The following CEMIP2 variants were observed in gnomAD, a reference collection of about 807,000 sequenced individuals.
CEMIP2 encodes cell surface hyaluronidase CEMIP2.
CEMIP2 carries 79 observed loss-of-function variants against 146.9 expected under a neutral mutation model. The observed-to-expected ratio is 0.54, with a 90% confidence interval of 0.45 to 0.65. CEMIP2 has a LOEUF of 0.65. Among genes scored for constraint, CEMIP2 ranks in the 30% least tolerant of loss-of-function variants. The pLI, the probability that CEMIP2 is intolerant of heterozygous loss-of-function variation, is 0.00. For missense variants in CEMIP2, 1,596 were observed against 1,696.2 expected, an observed-to-expected ratio of 0.94 and a Z score of 1.04; for synonymous variants, 601 against 606.3, an observed-to-expected ratio of 0.99 and a Z score of 0.13.
rs946828125 is a variant in CEMIP2, at chr9:71,736,468, A to G, written c.1205-1474T>C. Among the ~76,000 whole-genome samples the G allele has an allele frequency of 2.6e-5, 4 of 152,334 alleles. No homozygotes were observed. In the East Asian group the frequency reaches 5.8e-4, roughly 22 times the overall value. On this transcript the variant is annotated intron_variant, in intron 5 of 23. Transcript: ENST00000377044. ...ATGAGTATGACCAGTATGATCTGCA[A>G]TGTAACCTGAGGTCACATGATGGTG...
chr9:71,704,420 A>G (rs1362305959), intron 18 of CEMIP2, 175 bp downstream of exon 18: 5 of 650,944 alleles, frequency 7.7e-6, no homozygotes, highest in Non-Finnish European at 1.3e-5. Context: ...GACAGGATTC[A>G]ATTTGTATAA....
chr9:71,731,782 C>T (rs1390094107), intron 7 of CEMIP2, among the ~76,000 whole-genome samples: 5 of 151,524 alleles, frequency 3.3e-5, no homozygotes, highest in Non-Finnish European at 7.4e-5. Context: ...ACAACCACAG[C>T]CTACTCAATG....
intron 5 of CEMIP2, 150 bp from the exon 6 acceptor site, chr9:71,735,144 C>G: frequency 1.2e-6 from 1 of 869,374 alleles, no homozygotes; most frequent in Non-Finnish European, 1.7e-6. Context: ...GTATTAGTCA[C>G]TCTACAGATA....
Position 71,704,605 on chromosome 9 carries a change from T to C in CEMIP2, c.3184A>G (p.Asn1062Asp). 1 of 1,614,186 alleles carries C rather than the reference T, an allele frequency of 6.2e-7. No individual in the cohort carries two copies. Among genetic ancestry groups the C allele is most frequent in the Non-Finnish European group, 8.5e-7 (1 of 1,179,998 alleles). ...APRTTFLYLV[N>D]FNKNDWIRVG... ...GTAACAGAAACATACTTGTTGAAGT[T>C]GACGAGGTATAGAAATGTAGTCCGT... Residue 1062 changes from asparagine (N) to aspartate (D), a missense_variant, in exon 18 of 24, where the codon AAC becomes GAC. Transcript: ENST00000377044.
intron 1 of CEMIP2, among the ~76,000 whole-genome samples, chr9:71,751,390 A>G (rs1301932704): frequency 1.3e-5 from 2 of 152,226 alleles, no homozygotes; most frequent in East Asian, 3.8e-4. Flanking sequence ...CCCTGGCTGC[A>G]TAGTGTAATC....
intron 11 of CEMIP2, among the ~76,000 whole-genome samples, chr9:71,724,720 T>C (rs1232777580): frequency 6.6e-6 from 1 of 152,210 alleles, no homozygotes; most frequent in Non-Finnish European, 1.5e-5. Flanking sequence ...GGTTACTTGA[T>C]CTGTATCATT....
chr9:71,721,230 C>G (rs1823222349), intron 12 of CEMIP2, among the ~76,000 whole-genome samples: 1 of 152,096 alleles, frequency 6.6e-6, no homozygotes, highest in African/African-American at 2.4e-5. Flanking sequence ...TTATAATAAA[C>G]TCTTCAAAGC....
At chr9:71,751,784 G>A (rs1824262626) in intron 1 of CEMIP2, among the ~76,000 whole-genome samples, 1 of 152,114 alleles carries the variant, frequency 6.6e-6, no homozygotes, top group South Asian at 2.1e-4. Context: ...AGTTCCAATA[G>A]CTAGGCACTC....
At chr9:71,699,290 C>T (rs1002743352) in intron 19 of CEMIP2, 11 of 301,532 alleles carry the variant, frequency 3.6e-5, no homozygotes, top group Admixed American at 7.5e-5. Context: ...TTGTTTAAGT[C>T]TAAACAAAAA....
intron 1 of CEMIP2, among the ~76,000 whole-genome samples, chr9:71,763,808 C>A (rs1824707787): frequency 6.6e-6 from 1 of 152,204 alleles, no homozygotes; most frequent in African/African-American, 2.4e-5. Context: ...TTAAGACATA[C>A]AGTTTATGAG....
chr9:71,756,472 C>CCTCTCTCTCTCT (rs67234507), intron 1 of CEMIP2, among the ~76,000 whole-genome samples: 4 of 130,050 alleles, frequency 3.1e-5, no homozygotes, highest in African/African-American at 1.1e-4. Flanking sequence ...ACTACAGATT[C>CCTCTCTCTCTCT]CTCTCTCTCT....
At chr9:71,732,641 T>G (rs1329989703) in intron 6 of CEMIP2, 121 bp from the exon 7 acceptor site, 5 of 664,208 alleles carry the variant, frequency 7.5e-6, no homozygotes, top group Non-Finnish European at 1.0e-5. Context: ...TATCATCTGC[T>G]CCCATTCTCT....
At chr9:71,763,512 G>A (rs1259178134) in intron 1 of CEMIP2, among the ~76,000 whole-genome samples, 2 of 152,078 alleles carry the variant, frequency 1.3e-5, no homozygotes, top group African/African-American at 4.8e-5. Context: ...TCTAACCAGT[G>A]GTAAAGCCTT....
At chr9:71,742,938 G>C (rs548055126) in intron 4 of CEMIP2, among the ~76,000 whole-genome samples, 17 of 152,256 alleles carry the variant, frequency 1.1e-4, no homozygotes, top group African/African-American at 4.1e-4. Flanking sequence ...AATGAGCCTC[G>C]GCCGGGCACA....
rs1286318029 is a variant in CEMIP2, at chr9:71,745,036, A to C, written c.1016T>G (p.Ile339Ser). The change falls in exon 4 of 24, where the codon ATC becomes AGC. Residue 339 changes from isoleucine (I) to serine (S), a missense_variant. Coordinates refer to ENST00000377044, the MANE Select transcript of CEMIP2 (RefSeq NM_013390.3). ...TGCCTACCTGTAGCCCAGTCCTTGGATCAGTTCACTTCCCAACCGTTCCTG... is the reference window on the plus strand; with the variant it reads ...TGCCTACCTGTAGCCCAGTCCTTGGCTCAGTTCACTTCCCAACCGTTCCTG... ...MIQERLGSELIQGLGYRQAWA... is the reference protein window; with the variant it reads ...MIQERLGSELSQGLGYRQAWA... 1 of 1,613,886 alleles carries C rather than the reference A, an allele frequency of 6.2e-7. No homozygotes were observed. Among genetic ancestry groups the C allele is most frequent in the Admixed American group, 1.7e-5 (1 of 60,000 alleles).
intron 5 of CEMIP2, among the ~76,000 whole-genome samples, chr9:71,738,074 T>C (rs1247775658): frequency 6.6e-6 from 1 of 152,066 alleles, no homozygotes; most frequent in Non-Finnish European, 1.5e-5. Flanking sequence ...TTTCAAAGCC[T>C]CTATATTATA....
At chr9:71,752,978 AAAG>A (rs1361867946) in intron 1 of CEMIP2, among the ~76,000 whole-genome samples, 1 of 152,200 alleles carries the variant, frequency 6.6e-6, no homozygotes. Flanking sequence ...CTTCATGACA[AAAG>A]AAAAACACCA....
At chr9:71,740,694 A>G (rs1823888616) in intron 4 of CEMIP2, among the ~76,000 whole-genome samples, 1 of 152,226 alleles carries the variant, frequency 6.6e-6, no homozygotes, top group Non-Finnish European at 1.5e-5. Flanking sequence ...GATAAAGGGA[A>G]TCATGTTAAT....
intron 19 of CEMIP2, among the ~76,000 whole-genome samples, chr9:71,699,828 C>G (rs1487636708): frequency 6.6e-6 from 1 of 152,138 alleles, no homozygotes; most frequent in Non-Finnish European, 1.5e-5. Context: ...CAGGATGTCA[C>G]TGGTTACTCT....
Sources: gnomAD v4.1 joint callset for allele counts (sites outside exome capture counted in the v4.1 genomes callset) on GRCh38, gnomAD v4.1.1 for gene constraint, MANE v1.5 for transcripts, NCBI Gene and HGNC (gene_info 2026-07-23, HGNC 2026-07-21) for gene names.